CCZ1: variants seen among roughly 807,000 people sequenced by gnomAD.
The protein encoded by CCZ1 is vacuolar fusion protein CCZ1 homolog.
CCZ1 carries 19 observed loss-of-function variants against 57.8 expected under a neutral mutation model. That is an observed-to-expected ratio of 0.33 (90% CI 0.23 to 0.48). The LOEUF (loss-of-function observed/expected upper bound fraction) is 0.48. CCZ1 is among the 20% of genes least tolerant of loss of function. The pLI is 0.99. For missense variants in CCZ1, 200 were observed against 492.0 expected, an observed-to-expected ratio of 0.41 and a Z score of 5.61; for synonymous variants, 81 against 167.0, an observed-to-expected ratio of 0.49 and a Z score of 3.97.
chr7:5,906,558 G>C (rs1053102636), intron 7 of CCZ1, among the ~76,000 whole-genome samples: 2 of 148,214 alleles, frequency 1.3e-5, no homozygotes, highest in African/African-American at 5.0e-5. Context: ...CCTGACCTCA[G>C]GTGATTCCCC....
At chr7:5,906,553 C>T (rs923816681) in intron 7 of CCZ1, among the ~76,000 whole-genome samples, 7 of 148,440 alleles carry the variant, frequency 4.7e-5, no homozygotes, top group African/African-American at 1.2e-4. Context: ...AAACCCCTGA[C>T]CTCAGGTGAT....
intron 1 of CCZ1, among the ~76,000 whole-genome samples, chr7:5,899,319 T>C (rs1451882073): frequency 7.9e-6 from 1 of 126,732 alleles, no homozygotes; most frequent in Non-Finnish European, 1.7e-5. Context: ...GGAAATAAAT[T>C]AATTTCGGGA....
chr7:5,913,110 G>A (rs550912438), intron 10 of CCZ1, among the ~76,000 whole-genome samples, 156 bp downstream of exon 10: 31 of 148,608 alleles, frequency 2.1e-4, no homozygotes, highest in Admixed American at 1.6e-3. Flanking sequence ...TTCTTCCAGC[G>A]TAATAAGTTT....
intron 5 of CCZ1, chr7:5,902,142 A>T: frequency 5.6e-6 from 1 of 177,500 alleles, no homozygotes; most frequent in Admixed American, 5.8e-5. Flanking sequence ...AAAAATTTTT[A>T]TAAAAGTTAG....
intron 1 of CCZ1, 30 bp downstream of exon 1, chr7:5,898,949 C>G (rs1360580233): frequency 2.4e-6 from 1 of 412,884 alleles, no homozygotes; most frequent in Non-Finnish European, 4.0e-6. Flanking sequence ...CGCGGGCGGG[C>G]GGCGCCGGTG....
At chr7:5,906,280 C>T (rs1781818071) in intron 7 of CCZ1, among the ~76,000 whole-genome samples, 1 of 146,052 alleles carries the variant, frequency 6.8e-6, no homozygotes, top group Non-Finnish European at 1.5e-5. Context: ...CTGGGACCCT[C>T]AAGTTTTATG....
chr7:5,911,419 C>T (rs2128612810), intron 8 of CCZ1, among the ~76,000 whole-genome samples: 3 of 148,916 alleles, frequency 2.0e-5, no homozygotes, highest in Middle Eastern at 6.8e-3. Context: ...CGTGTCACCT[C>T]AGCCTCCCAA....
chr7:5,915,533 C>T (rs560656359), intron 10 of CCZ1, among the ~76,000 whole-genome samples: 3,608 of 148,794 alleles, frequency 0.024, 1 homozygote, highest in African/African-American at 0.067. Flanking sequence ...TTACCTTTTT[C>T]TTAATGACTT....
intron 6 of CCZ1, among the ~76,000 whole-genome samples, 156 bp from the exon 7 acceptor site, chr7:5,904,938 T>C (rs554808958): frequency 4.0e-5 from 6 of 148,656 alleles, no homozygotes; most frequent in South Asian, 2.2e-4. Flanking sequence ...GGCACTCAGT[T>C]ACCCATGTCT....
intron 4 of CCZ1, 133 bp from the exon 5 acceptor site, chr7:5,901,524 C>T: frequency 7.5e-7 from 1 of 1,338,062 alleles, no homozygotes; most frequent in Non-Finnish European, 9.7e-7. Context: ...TTTTTTTCAG[C>T]ACGCAACTAT....
At chr7:5,920,470 C>CTTTTATTTTATTTATTTATTTATTTTTTT (rs1779217549) in intron 12 of CCZ1, among the ~76,000 whole-genome samples, 2 of 95,958 alleles carry the variant, frequency 2.1e-5, no homozygotes, top group Non-Finnish European at 2.1e-5. Context: ...TTCTCCCTGG[C>CTTTTATTTTATTTATTTATTTATTTTTTT]TTTTTTTTTT....
At chr7:5,906,549 CT>C (rs1781829471) in intron 7 of CCZ1, among the ~76,000 whole-genome samples, 1 of 148,514 alleles carries the variant, frequency 6.7e-6, no homozygotes, top group Admixed American at 6.7e-5. Context: ...TCCTAAACCC[CT>C]GACCTCAGGT....
Position 5,905,150 on chromosome 7 carries a change from C to T in CCZ1, c.579C>T (p.Ile193=). The change falls in exon 7 of 15, where the codon ATC becomes ATT. Residue 193 remains isoleucine, a synonymous_variant. Transcript: ENST00000325974. ...ACCTACTTGACATTTTTGGTGGAAT[C>T]AGCTTCTTCCCGTTGGATAAAATGA... The part of the protein sequence containing the change: ...SCDLLDIFGG[I]SFFPLDKMTY... 6.3e-7 allele frequency: 1 copy of T among 1,585,550 alleles called. No homozygotes were observed. Among genetic ancestry groups the T allele is most frequent in the Non-Finnish European group, 8.5e-7 (1 of 1,170,006 alleles).
At position 5,912,376 on chromosome 7, in the gene CCZ1, CCTTTTTTTTTT is replaced by C. The variant is rs1338843417; in HGVS notation, c.842+455_843-456del. 6.1e-3 allele frequency among the ~76,000 whole-genome samples: 614 copies of C among 99,856 alleles called. 42 individuals are homozygous for C. Among genetic ancestry groups the C allele is most frequent in the African/African-American group, 0.024 (568 of 24,138 alleles). The allele number at this position is 99,856 out of a possible 152,430, so 65.5% of individuals were successfully genotyped here. ...TGAGTTAAAACTTACTTCAGCATAC[CCTTTTTTTTTT>C]TTTTTTTTTTTTTTTTTTTTTTTGA... On this transcript the variant is annotated intron_variant, in intron 9 of 14. Coordinates refer to ENST00000325974, the MANE Select transcript of CCZ1 (RefSeq NM_015622.6).
chr7:5,903,856 G>A (rs1407646341), intron 6 of CCZ1, among the ~76,000 whole-genome samples: 2 of 145,582 alleles, frequency 1.4e-5, no homozygotes, highest in East Asian at 2.4e-4. Context: ...CTAGCTGGGC[G>A]TGGTGGCGCA....
chr7:5,905,781 CAAAAAAAAA>C (rs796636886), intron 7 of CCZ1, among the ~76,000 whole-genome samples: 106 of 44,362 alleles, frequency 2.4e-3, no homozygotes, highest in African/African-American at 6.9e-3. Context: ...ACTCTGTCTC[CAAAAAAAAA>C]AAAAAAAAAA....
At chr7:5,910,356 T>G (rs1446075429) in intron 8 of CCZ1, 1 of 379,600 alleles carries the variant, frequency 2.6e-6, no homozygotes, top group African/African-American at 2.1e-5. Flanking sequence ...GTTGGTTTTT[T>G]TGTGTGTGTT....
chr7:5,903,289 C>A (rs940779220), intron 6 of CCZ1, among the ~76,000 whole-genome samples: 4 of 143,616 alleles, frequency 2.8e-5, no homozygotes, highest in Non-Finnish European at 4.5e-5. Flanking sequence ...CTCAGTTTAT[C>A]TTTTTTTTAA....
intron 6 of CCZ1, among the ~76,000 whole-genome samples, chr7:5,903,141 G>A (rs1781722652): frequency 6.7e-6 from 1 of 148,964 alleles, no homozygotes; most frequent in South Asian, 2.2e-4. Flanking sequence ...TCACTAAACG[G>A]GCGTGAACCG....
Sources: allele counts gnomAD v4.1 joint callset (sites outside exome capture counted in the v4.1 genomes callset), GRCh38; gene constraint gnomAD v4.1.1; transcripts MANE v1.5; gene names NCBI Gene and HGNC (gene_info 2026-07-23, HGNC 2026-07-21).